The following CLTC variants were observed in gnomAD, a reference collection of about 807,000 sequenced individuals.
CLTC encodes the protein clathrin heavy chain, also known as clathrin heavy chain 1.
A neutral mutation model predicts 195.8 loss-of-function variants in CLTC; 16 were observed. That is an observed-to-expected ratio of 0.08 (90% CI 0.06 to 0.12). The LOEUF (loss-of-function observed/expected upper bound fraction) is 0.12, where lower values mean the gene tolerates loss of function less well. Among genes scored for constraint, CLTC ranks in the 10% least tolerant of loss-of-function variants. CLTC has a pLI of 1.00. For missense variants in CLTC, 796 were observed against 2,027.0 expected, an observed-to-expected ratio of 0.39 and a Z score of 11.66; for synonymous variants, 667 against 689.4, an observed-to-expected ratio of 0.97 and a Z score of 0.51.
chr17:59,657,936 C>T (rs1186245057), intron 6 of CLTC, among the ~76,000 whole-genome samples: 7 of 151,028 alleles, frequency 4.6e-5, no homozygotes, highest in African/African-American at 9.7e-5. Context: ...CAGTGTCTCA[C>T]GCCTGTAATC....
At chr17:59,692,223 A>C (rs143849764) in intron 31 of CLTC, among the ~76,000 whole-genome samples, 2 of 152,324 alleles carry the variant, frequency 1.3e-5, no homozygotes, top group East Asian at 3.9e-4. Flanking sequence ...AGGCTGAGGC[A>C]GGAGAATTGC....
rs570475593 is a variant in CLTC, at chr17:59,681,284, T to G, written c.3066-11T>G. ...AATATTGCATTTAAAATATTCTTTT[T>G]TTTCTTAAAGGAATCTGCAAAACCT... On this transcript the variant is annotated splice_polypyrimidine_tract_variant and intron_variant, in intron 19 of 31. Transcript: ENST00000269122. The surrounding 1 kb of genome is among the most constrained non-coding windows in gnomAD (Gnocchi z 5.0). The G allele has an allele frequency of 6.3e-7, 1 of 1,584,220 alleles. No individual in the cohort carries two copies. Among genetic ancestry groups the G allele is most frequent in the East Asian group, 2.2e-5 (1 of 44,452 alleles).
At chr17:59,652,218 T>C (rs1381656778) in intron 5 of CLTC, among the ~76,000 whole-genome samples, 1 of 152,224 alleles carries the variant, frequency 6.6e-6, no homozygotes, top group African/African-American at 2.4e-5. Context: ...CAGTCATCCA[T>C]GAAGGTTGGA....
At chr17:59,656,067 C>G (rs374054131) in intron 6 of CLTC, 40 bp downstream of exon 6, 4 of 1,546,378 alleles carry the variant, frequency 2.6e-6, no homozygotes, top group Non-Finnish European at 3.5e-6. Context: ...AATAAGATAA[C>G]CTGATGAGTT....
intron 9 of CLTC, 84 bp downstream of exon 9, chr17:59,664,078 T>C (rs932687339): frequency 9.0e-7 from 1 of 1,115,896 alleles, no homozygotes; most frequent in African/African-American, 1.6e-5. Flanking sequence ...TTGATTACTT[T>C]AATAGTGAAT....
intron 1 of CLTC, among the ~76,000 whole-genome samples, chr17:59,625,110 T>G (rs770423259): frequency 2.5e-4 from 38 of 151,122 alleles, no homozygotes; most frequent in East Asian, 5.8e-4. Context: ...GTGTGTGTGG[T>G]TTTTTTTTCT....
intron 2 of CLTC, chr17:59,645,913 C>G: frequency 1.5e-5 from 3 of 206,556 alleles, no homozygotes; most frequent in Non-Finnish European, 2.5e-5. Context: ...AATTCCCATG[C>G]CTCTCTATTA....
chr17:59,674,158 AC>A (rs1249985641), intron 15 of CLTC, among the ~76,000 whole-genome samples: 1 of 152,088 alleles, frequency 6.6e-6, no homozygotes, highest in Admixed American at 6.5e-5. Context: ...GAAAAAAAAA[AC>A]ATGCATGCCA....
At chr17:59,632,435 A>G (rs1056599095) in intron 1 of CLTC, among the ~76,000 whole-genome samples, 3 of 152,064 alleles carry the variant, frequency 2.0e-5, no homozygotes, top group African/African-American at 7.2e-5. Flanking sequence ...AATGAAAGAA[A>G]ACTTTTGTAA....
In CLTC at chr17:59,694,717, G is replaced by A. The variant is rs1283080383; in HGVS notation, c.*865G>A. On this transcript the variant is annotated 3_prime_UTR_variant, in exon 32 of 32. Transcript: ENST00000269122. The stretch of plus-strand genomic sequence containing the variant: ...ATATTGCTGTTCTTCAGTTTTGTTT[G>A]TGGAATTTGAAATTACTCAAATTTA... 2 of 224,806 alleles carry A rather than the reference G, an allele frequency of 8.9e-6. No homozygotes were observed. Among genetic ancestry groups the A allele is most frequent in the Non-Finnish European group, 8.9e-6 (1 of 112,746 alleles). The allele number at this position is 224,806 out of a possible 1,614,324, so 13.9% of individuals were successfully genotyped here.
In CLTC at chr17:59,696,913, G is replaced by C. The variant is rs907326113; in HGVS notation, c.*3061G>C. 2.1e-4 allele frequency: 42 copies of C among 196,624 alleles called. 1 individual carries two copies. In the Admixed American group the frequency reaches 2.5e-3, roughly 12 times the overall value. The allele number at this position is 196,624 out of a possible 1,614,324, so 12.2% of individuals were successfully genotyped here. ...TTGGCCAGTATGGGTCAGGGAAGGT[G>C]AACATGAAACACTGCACAGTAGGTT... On this transcript the variant is annotated 3_prime_UTR_variant, in exon 32 of 32. Coordinates refer to ENST00000269122, the MANE Select transcript of CLTC (RefSeq NM_004859.4).
intron 1 of CLTC, among the ~76,000 whole-genome samples, chr17:59,632,920 G>T (rs1039351723): frequency 2.6e-5 from 4 of 152,088 alleles, no homozygotes; most frequent in Non-Finnish European, 5.9e-5. Flanking sequence ...CACAAAATAA[G>T]CAAAGGGGAC....
intron 30 of CLTC, chr17:59,689,509 GCCC>G (rs944874077): frequency 6.6e-6 from 1 of 151,354 alleles, no homozygotes; most frequent in Non-Finnish European, 1.5e-5. Flanking sequence ...CTGCACCTTG[GCCC>G]CCCGTCTCAT....
intron 5 of CLTC, among the ~76,000 whole-genome samples, chr17:59,655,097 A>G (rs1377874030): frequency 2.0e-5 from 3 of 152,234 alleles, no homozygotes; most frequent in East Asian, 1.9e-4. Context: ...GGCTAGGTCA[A>G]AAGGCCCACC....
At chr17:59,655,682 A>G (rs1325761944) in intron 5 of CLTC, among the ~76,000 whole-genome samples, 172 bp from the exon 6 acceptor site, 1 of 152,254 alleles carries the variant, frequency 6.6e-6, no homozygotes, top group African/African-American at 2.4e-5. Flanking sequence ...TGGGATATCC[A>G]TATTTAAATG....
At chr17:59,647,112 A>G (rs1275697179) in intron 2 of CLTC, among the ~76,000 whole-genome samples, 1 of 152,238 alleles carries the variant, frequency 6.6e-6, no homozygotes, top group African/African-American at 2.4e-5. Flanking sequence ...TATTGTTAAG[A>G]AAACTATTCA....
chr17:59,687,488 T>G (rs541745832), intron 30 of CLTC, among the ~76,000 whole-genome samples: 5 of 130,332 alleles, frequency 3.8e-5, no homozygotes, highest in South Asian at 2.3e-4. Flanking sequence ...CTTTTTGGGG[T>G]TTTTTTTTTT....
chr17:59,665,560 T>A (rs2032710219), intron 10 of CLTC, among the ~76,000 whole-genome samples: 1 of 152,102 alleles, frequency 6.6e-6, no homozygotes. Context: ...TCTGTCAGGC[T>A]GGGTGCGGTG....
chr17:59,651,799 G>A (rs989543268), intron 5 of CLTC, among the ~76,000 whole-genome samples: 5 of 152,214 alleles, frequency 3.3e-5, no homozygotes, highest in Admixed American at 6.5e-5. Context: ...GTTGCTGAAG[G>A]TTGAGGTGGC....
Sources: allele counts gnomAD v4.1 joint callset (sites outside exome capture counted in the v4.1 genomes callset), GRCh38; gene constraint gnomAD v4.1.1; non-coding constraint Gnocchi (gnomAD v3.1); transcripts MANE v1.5; gene names NCBI Gene and HGNC (gene_info 2026-07-23, HGNC 2026-07-21).